CNNM1: variants seen among roughly 807,000 people sequenced by gnomAD.
CNNM1 encodes the protein cyclin and CBS domain divalent metal cation transport mediator 1.
In CNNM1, 44 loss-of-function variants were observed where a neutral mutation model predicts 78.8. The ratio of observed to expected loss-of-function variants is 0.56; its 90% CI spans 0.44 to 0.72. CNNM1 has a LOEUF of 0.72. CNNM1 is among the 30% of genes least tolerant of loss of function. The pLI is 0.00. For missense variants in CNNM1, 1,101 were observed against 1,292.2 expected (o/e 0.85, Z 2.27); for synonymous variants, 584 against 581.5 (o/e 1.00, Z -0.06).
rs376395924 is a variant in CNNM1, at chr10:99,387,890, T to C, written c.2411T>C (p.Met804Thr). 6.4e-5 allele frequency: 103 copies of C among 1,613,756 alleles called. No homozygotes were observed. In the Middle Eastern group the frequency reaches 1.6e-3, roughly 26 times the overall value. ...HMDSSPQSPD[M>T]EAFTDGDSTK... Reference sequence around the variant, plus strand: ...GACAGCTCACCTCAGTCCCCTGACATGGAGGCCTTCACAGACGGGGACTCC... The same window carrying C: ...GACAGCTCACCTCAGTCCCCTGACACGGAGGCCTTCACAGACGGGGACTCC... The change falls in exon 8 of 11, where the codon ATG becomes ACG. Residue 804 changes from methionine (M) to threonine (T), a missense_variant. Transcript: ENST00000356713.
chr10:99,359,957 G>C (rs573306538), intron 2 of CNNM1, among the ~76,000 whole-genome samples: 2 of 150,468 alleles, frequency 1.3e-5, no homozygotes, highest in African/African-American at 2.4e-5. Context: ...AGCGGGGGCC[G>C]GGGGGGAAGT....
chr10:99,380,611 C>T (rs983893695), intron 7 of CNNM1, among the ~76,000 whole-genome samples: 3 of 151,694 alleles, frequency 2.0e-5, no homozygotes, highest in East Asian at 3.9e-4. Context: ...GACAACATGG[C>T]GAAACCCCGT....
At chr10:99,384,319 A>G (rs1306811860) in intron 7 of CNNM1, among the ~76,000 whole-genome samples, 1 of 152,204 alleles carries the variant, frequency 6.6e-6, no homozygotes, top group African/African-American at 2.4e-5. Context: ...CAACACATTG[A>G]CATGGCAGGA....
At chr10:99,374,728 A>G (rs1020947183) in intron 6 of CNNM1, among the ~76,000 whole-genome samples, 2 of 152,094 alleles carry the variant, frequency 1.3e-5, no homozygotes, top group Non-Finnish European at 2.9e-5. Context: ...TGACGTGCTG[A>G]CTCATTTATT....
At position 99,329,478 on chromosome 10, in the gene CNNM1, C is replaced by T. The variant is rs1487663544; in HGVS notation, c.91C>T (p.Leu31=). Residue 31 remains leucine (L), a synonymous_variant, in exon 1 of 11, where the codon CTG becomes TTG. Coordinates refer to ENST00000356713, the MANE Select transcript of CNNM1 (RefSeq NM_020348.3). Reference sequence around the variant, plus strand: ...CGCTGTGCTCCTGCTCTTCTTTTCCCTGTCTCCTCGGCCCCCGGCCGCCGC... The same window carrying T: ...CGCTGTGCTCCTGCTCTTCTTTTCCTTGTCTCCTCGGCCCCCGGCCGCCGC... ...RGAVLLLFFS[L]SPRPPAAAAW... is the part of the protein sequence containing the mutation. 6 of 1,481,218 alleles carry T rather than the reference C, an allele frequency of 4.1e-6. No homozygotes were observed. Among genetic ancestry groups the T allele is most frequent in the Non-Finnish European group, 5.4e-6 (6 of 1,107,638 alleles). 91.8% of individuals were successfully genotyped at this position (1,481,218 alleles called of 1,614,324 possible). A position where few individuals can be genotyped will look rare whatever the true frequency, so the allele number is the denominator to read the frequency against.
chr10:99,332,085 T>C (rs1015561637), intron 1 of CNNM1, among the ~76,000 whole-genome samples: 3 of 152,202 alleles, frequency 2.0e-5, no homozygotes, highest in African/African-American at 7.2e-5. Context: ...ACCGCCCCCC[T>C]AGTTCACCAG....
chr10:99,349,842 T>C (rs1218463437), intron 1 of CNNM1, among the ~76,000 whole-genome samples: 1 of 152,010 alleles, frequency 6.6e-6, no homozygotes, highest in African/African-American at 2.4e-5. Flanking sequence ...CTACTAAATA[T>C]ACAAAAATTA....
chr10:99,372,961 T>TA (rs979642003), intron 6 of CNNM1, among the ~76,000 whole-genome samples: 65 of 151,372 alleles, frequency 4.3e-4, no homozygotes, highest in Non-Finnish European at 8.1e-4. Flanking sequence ...GTTTTTACTT[T>TA]AAAAAAAAAG....
intron 1 of CNNM1, among the ~76,000 whole-genome samples, chr10:99,355,161 C>T (rs886469149): frequency 4.0e-5 from 6 of 151,462 alleles, no homozygotes; most frequent in African/African-American, 1.5e-4. Context: ...TTAGCAATGG[C>T]CAAGCAAGAG....
chr10:99,343,147 G>A (rs2030529948), intron 1 of CNNM1, among the ~76,000 whole-genome samples: 1 of 152,022 alleles, frequency 6.6e-6, no homozygotes, highest in Non-Finnish European at 1.5e-5. Flanking sequence ...ATTTTTAGTA[G>A]AGATGGGGTT....
intron 2 of CNNM1, among the ~76,000 whole-genome samples, chr10:99,359,943 A>G (rs985167915): frequency 6.6e-6 from 1 of 151,998 alleles, no homozygotes; most frequent in African/African-American, 2.4e-5. Flanking sequence ...AAAACAAAAA[A>G]AAAAGCGGGG....
rs1158244502 is a variant in CNNM1, at chr10:99,391,689, C to T, written c.*173C>T. 3.4e-6 allele frequency: 2 copies of T among 587,554 alleles called. No homozygotes were observed. The highest frequency in any genetic ancestry group is 6.1e-6 in the Non-Finnish European group (2 of 329,078). The allele number at this position is 587,554 out of a possible 1,614,324, so 36.4% of individuals were successfully genotyped here. ...TTGGCAGATTTTCCCTCGTTACCTC[C>T]AGTTCGACTCAGAACCTTGACATGG... On this transcript the variant is annotated 3_prime_UTR_variant, in exon 11 of 11. Transcript: ENST00000356713.
intron 7 of CNNM1, among the ~76,000 whole-genome samples, chr10:99,385,787 G>A (rs1308445986): frequency 1.3e-5 from 2 of 152,178 alleles, no homozygotes; most frequent in African/African-American, 2.4e-5. Context: ...GCAAAATTGG[G>A]ACTTGAACTT....
At chr10:99,383,644 C>T (rs914263911) in intron 7 of CNNM1, among the ~76,000 whole-genome samples, 17 of 152,140 alleles carry the variant, frequency 1.1e-4, no homozygotes, top group African/African-American at 3.9e-4. Context: ...AAGGCAATGC[C>T]ATGCAAAGGG....
intron 1 of CNNM1, among the ~76,000 whole-genome samples, chr10:99,348,289 T>G (rs2030796762): frequency 6.6e-6 from 1 of 152,180 alleles, no homozygotes; most frequent in African/African-American, 2.4e-5. Flanking sequence ...CAAGCAGTCC[T>G]CCTGCCTCAG....
rs1268915889 is a variant in CNNM1 at position 99,330,347 on chromosome 10, G to T, written c.960G>T (p.Gly320=). The change falls in exon 1 of 11, where the codon GGG becomes GGT. Residue 320 remains glycine, a synonymous_variant. Coordinates refer to ENST00000356713, the MANE Select transcript of CNNM1 (RefSeq NM_020348.3). ...GGTGEDYSEE[G]IHFPWLPALV... is the part of the protein sequence containing the mutation. ...CCGGGGAAGACTACAGCGAAGAGGG[G>T]ATCCACTTCCCGTGGCTGCCGGCGC... The T allele has an allele frequency of 6.2e-7, 1 of 1,601,490 alleles. No individual in the cohort carries two copies.
chr10:99,368,735 G>A (rs2031709023), intron 6 of CNNM1: 12 of 1,222,166 alleles, frequency 9.8e-6, no homozygotes, highest in Non-Finnish European at 1.3e-5. Context: ...TTTGCAAGAA[G>A]CCTTTGGCCT....
At chr10:99,339,303 G>A (rs1224315636) in intron 1 of CNNM1, among the ~76,000 whole-genome samples, 1 of 152,130 alleles carries the variant, frequency 6.6e-6, no homozygotes, top group Non-Finnish European at 1.5e-5. Flanking sequence ...CTAGACTCTG[G>A]GAATACAGTG....
At chr10:99,353,469 A>T (rs1282517621) in intron 1 of CNNM1, among the ~76,000 whole-genome samples, 1 of 152,204 alleles carries the variant, frequency 6.6e-6, no homozygotes, top group Admixed American at 6.5e-5. Context: ...CAATACAGAG[A>T]TGTGTACAAA....
Sources: allele counts gnomAD v4.1 joint callset (sites outside exome capture counted in the v4.1 genomes callset), GRCh38; gene constraint gnomAD v4.1.1; transcripts MANE v1.5; gene names NCBI Gene and HGNC (gene_info 2026-07-23, HGNC 2026-07-21).